The following TPRG1 variants were observed in gnomAD, a reference collection of about 807,000 sequenced individuals.
The protein encoded by TPRG1 is tumor protein p63-regulated gene 1 protein.
In TPRG1, 29 loss-of-function variants were observed where a neutral mutation model predicts 29.3. That is an observed-to-expected ratio of 0.99 (90% confidence interval 0.74 to 1.35). TPRG1 has a LOEUF of 1.35. TPRG1 is among the 40% of genes most tolerant of loss of function. TPRG1 has a pLI of 0.00. For synonymous variants in TPRG1, 130 were observed against 116.8 expected (o/e 1.11, Z -0.73); for missense variants, 327 against 335.0 (o/e 0.98, Z 0.19).
intron 4 of TPRG1, among the ~76,000 whole-genome samples, chr3:189,061,435 A>G (rs1421799353): frequency 6.6e-6 from 1 of 152,260 alleles, no homozygotes; most frequent in African/African-American, 2.4e-5. Flanking sequence ...GCAAAAATTG[A>G]CAAATGAGAT....
intron 1 of TPRG1, among the ~76,000 whole-genome samples, chr3:189,182,579 T>G (rs1464449613): frequency 2.0e-5 from 3 of 152,234 alleles, no homozygotes; most frequent in Non-Finnish European, 4.4e-5. Context: ...ATACCAAGAT[T>G]CATAAATCTT....
At chr3:189,116,736 A>G (rs1478040608) in intron 1 of TPRG1, among the ~76,000 whole-genome samples, 1 of 152,228 alleles carries the variant, frequency 6.6e-6, no homozygotes, top group Admixed American at 6.5e-5. Flanking sequence ...TGAAGTAGTC[A>G]TATTCATAGA....
chr3:189,299,480 T>C (rs1720494296), intron 4 of TPRG1, among the ~76,000 whole-genome samples: 2 of 152,084 alleles, frequency 1.3e-5, no homozygotes, highest in African/African-American at 4.8e-5. Flanking sequence ...ATTTCTCTCA[T>C]CTCCCTCAAA....
chr3:189,313,800 T>C (rs942441852), intron 5 of TPRG1, among the ~76,000 whole-genome samples: 2 of 152,186 alleles, frequency 1.3e-5, no homozygotes, highest in South Asian at 2.1e-4. Context: ...AAAATGCAAA[T>C]ATTTTTAAGA....
At chr3:189,124,250 G>A (rs973131219) in intron 1 of TPRG1, among the ~76,000 whole-genome samples, 3 of 152,046 alleles carry the variant, frequency 2.0e-5, no homozygotes, top group African/African-American at 4.8e-5. Flanking sequence ...TCTAACGGAA[G>A]AAGCAGGCAG....
At chr3:189,014,966 T>A (rs1015617855) in intron 3 of TPRG1, among the ~76,000 whole-genome samples, 1 of 152,122 alleles carries the variant, frequency 6.6e-6, no homozygotes, top group African/African-American at 2.4e-5. Flanking sequence ...AAAAAGAACT[T>A]TGGAACTGGT....
intron 4 of TPRG1, among the ~76,000 whole-genome samples, chr3:189,048,864 A>T (rs758489549): frequency 2.0e-5 from 3 of 152,150 alleles, no homozygotes; most frequent in Non-Finnish European, 4.4e-5. Flanking sequence ...TCCGCAACAC[A>T]CACCCCCACT....
intron 1 of TPRG1, among the ~76,000 whole-genome samples, chr3:189,183,151 T>A (rs1342628550): frequency 2.6e-5 from 4 of 151,698 alleles, no homozygotes; most frequent in African/African-American, 9.7e-5. Context: ...AGGGACAGAG[T>A]ACAAAAGAGA....
intron 2 of TPRG1, among the ~76,000 whole-genome samples, chr3:189,214,285 AGTTAT>A (rs1341331033): frequency 5.9e-5 from 9 of 152,216 alleles, no homozygotes; most frequent in Non-Finnish European, 1.3e-4. Context: ...CTCACTACTC[AGTTAT>A]ATTTGTTGAG....
At chr3:189,112,229 A>C (rs569331791) in intron 1 of TPRG1, among the ~76,000 whole-genome samples, 148 of 152,164 alleles carry the variant, frequency 9.7e-4, no homozygotes, top group African/African-American at 3.5e-3. Flanking sequence ...TTTTGCATCT[A>C]TGTTTGTGAG....
intron 4 of TPRG1, among the ~76,000 whole-genome samples, chr3:189,080,043 A>G (rs1717486551): frequency 6.6e-6 from 1 of 152,214 alleles, no homozygotes. Flanking sequence ...ATGAACGAAT[A>G]AATGAGAAAA....
chr3:189,075,648 G>A (rs1207715248), intron 4 of TPRG1, among the ~76,000 whole-genome samples: 1 of 152,134 alleles, frequency 6.6e-6, no homozygotes, highest in Non-Finnish European at 1.5e-5. Flanking sequence ...GCATTCTGGG[G>A]CTTTAGATTT....
chr3:189,148,152 T>C (rs1054442055), intron 4 of TPRG1, among the ~76,000 whole-genome samples: 2 of 152,328 alleles, frequency 1.3e-5, no homozygotes, highest in Non-Finnish European at 2.9e-5. Context: ...CTATAAAACC[T>C]TTCTGCTCCC....
chr3:189,143,611 A>G (rs2108575126), intron 3 of TPRG1, among the ~76,000 whole-genome samples: 1 of 152,354 alleles, frequency 6.6e-6, no homozygotes, highest in Non-Finnish European at 1.5e-5. Context: ...AGGTAGCCTG[A>G]GAACCCACAT....
At chr3:189,107,497 A>G (rs564892739) in intron 1 of TPRG1, among the ~76,000 whole-genome samples, 2 of 152,216 alleles carry the variant, frequency 1.3e-5, no homozygotes, top group Non-Finnish European at 2.9e-5. Flanking sequence ...TACTAATCAA[A>G]CCTTTACAAT....
At chr3:189,091,116 A>G (rs1405048619) in intron 4 of TPRG1, among the ~76,000 whole-genome samples, 1 of 152,138 alleles carries the variant, frequency 6.6e-6, no homozygotes, top group East Asian at 1.9e-4. Flanking sequence ...TACATGTAAA[A>G]TATTTAAAAC....
intron 4 of TPRG1, among the ~76,000 whole-genome samples, chr3:189,283,090 C>T (rs1183271093): frequency 6.6e-6 from 1 of 152,162 alleles, no homozygotes; most frequent in Non-Finnish European, 1.5e-5. Context: ...AACCCACTCT[C>T]AAGGTGAAAT....
At chr3:189,313,382 T>G (rs916390226) in intron 5 of TPRG1, among the ~76,000 whole-genome samples, 2 of 152,146 alleles carry the variant, frequency 1.3e-5, no homozygotes, top group Non-Finnish European at 2.9e-5. Flanking sequence ...ACATGAGATT[T>G]TAAAAGGGTT....
intron 1 of TPRG1, among the ~76,000 whole-genome samples, chr3:189,118,240 GC>G (rs1402493046): frequency 6.6e-6 from 1 of 152,152 alleles, no homozygotes; most frequent in Non-Finnish European, 1.5e-5. Context: ...AAAGAGACTG[GC>G]CGCATTCTAC....
Sources: allele counts gnomAD v4.1 joint callset (sites outside exome capture counted in the v4.1 genomes callset), GRCh38; gene constraint gnomAD v4.1.1; transcripts MANE v1.5; gene names NCBI Gene and HGNC (gene_info 2026-07-23, HGNC 2026-07-21).